The following LHX4 variants were observed in gnomAD, a reference collection of about 807,000 sequenced individuals.
The protein encoded by LHX4 is LIM/homeobox protein Lhx4.
LHX4 carries 16 observed loss-of-function variants against 39.2 expected under a neutral mutation model. The ratio of observed to expected loss-of-function variants is 0.41; its 90% CI spans 0.28 to 0.62. The LOEUF is 0.62. Ranked by LOEUF, LHX4 falls within the 20% of genes least tolerant of loss-of-function variation. The probability of loss-of-function intolerance (pLI) is 0.33; values close to 1 mark genes in which losing one functional copy is unlikely to be tolerated. For synonymous variants in LHX4, 206 were observed against 198.1 expected, an observed-to-expected ratio of 1.04 and a Z score of -0.33; for missense variants, 439 against 511.9, an observed-to-expected ratio of 0.86 and a Z score of 1.37.
chr1:180,273,979 T>G lies in LHX4; in HGVS notation c.779-206T>G, dbSNP rs116699114. 2.6e-4 allele frequency: 160 copies of G among 608,950 alleles called. No individual in the cohort carries two copies. In the African/African-American group the frequency reaches 2.9e-3, roughly 11 times the overall value. 37.7% of individuals were successfully genotyped at this position (608,950 alleles called of 1,614,324 possible). A position where few individuals can be genotyped will look rare whatever the true frequency, so the allele number is the denominator to read the frequency against. On this transcript the variant is annotated intron_variant, in intron 5 of 5. Coordinates refer to ENST00000263726, the MANE Select transcript of LHX4 (RefSeq NM_033343.4). Reference sequence around the variant, plus strand: ...TTCTGGGACCTGGGAATTTAGTCTTTGCAGGTGTTTCTTGTTTTTCTCCTT... The same window carrying G: ...TTCTGGGACCTGGGAATTTAGTCTTGGCAGGTGTTTCTTGTTTTTCTCCTT...
At chr1:180,229,508 C>T (rs1029504488), upstream of LHX4, among the ~76,000 whole-genome samples, 2 of 152,176 alleles carry the variant, frequency 1.3e-5, no homozygotes, top group African/African-American at 2.4e-5. Flanking sequence ...CCGCGTGACT[C>T]GCGCGTTCCG....
chr1:180,263,438 G>T (rs1157399690), intron 2 of LHX4, among the ~76,000 whole-genome samples: 3 of 152,204 alleles, frequency 2.0e-5, no homozygotes, highest in African/African-American at 7.2e-5. Flanking sequence ...CTGGAGATGG[G>T]GTGGAGGGTG....
At chr1:180,260,495 AGGAGCTCAGGC>A (rs1370903517) in intron 2 of LHX4, among the ~76,000 whole-genome samples, 2 of 151,910 alleles carry the variant, frequency 1.3e-5, no homozygotes, top group Non-Finnish European at 2.9e-5. Context: ...CAACAGCAGC[AGGAGCTCAGGC>A]GGAGCTCAGG....
chr1:180,271,348 C>A, intron 3 of LHX4, 32 bp from the exon 4 acceptor site: 1 of 1,613,724 alleles, frequency 6.2e-7, no homozygotes. Flanking sequence ...GCAGATAGGC[C>A]GAAGCCAGTA....
At chr1:180,273,987 TTTC>T (rs2149268401) in intron 5 of LHX4, 195 bp from the exon 6 acceptor site, 1 of 618,602 alleles carries the variant, frequency 1.6e-6, no homozygotes, top group African/African-American at 1.8e-5. Flanking sequence ...TTTGCAGGTG[TTTC>T]TTGTTTTTCT....
chr1:180,249,960 G>A (rs967196078), intron 2 of LHX4, among the ~76,000 whole-genome samples: 3 of 151,760 alleles, frequency 2.0e-5, no homozygotes, highest in South Asian at 2.1e-4. Context: ...GTGTGAGAGT[G>A]TGAGTGTTGT....
upstream of LHX4, chr1:180,230,243 G>A: frequency 2.1e-6 from 1 of 481,912 alleles, no homozygotes; most frequent in Non-Finnish European, 3.7e-6. This position sits in a 1 kb window ranked among gnomAD's most constrained non-coding sequence, Gnocchi z 5.8. Flanking sequence ...AGCGGGCGGG[G>A]GAGGGAAGAG....
At chr1:180,241,524 C>T (rs960227036) in intron 1 of LHX4, among the ~76,000 whole-genome samples, 4 of 152,178 alleles carry the variant, frequency 2.6e-5, no homozygotes, top group African/African-American at 9.7e-5. Flanking sequence ...CGGTGTTTTA[C>T]ATGCATTACC....
chr1:180,271,684 A>T, intron 4 of LHX4, 150 bp downstream of exon 4: 1 of 1,308,618 alleles, frequency 7.6e-7, no homozygotes, highest in Non-Finnish European at 1.1e-6. Context: ...TCTGAGGCCC[A>T]CCTGGGGAGA....
At chr1:180,260,143 T>G (rs967084391) in intron 2 of LHX4, among the ~76,000 whole-genome samples, 1 of 151,400 alleles carries the variant, frequency 6.6e-6, no homozygotes, top group Non-Finnish European at 1.5e-5. Flanking sequence ...TGCCGGGGCA[T>G]TGGGCTGAGG....
intron 2 of LHX4, among the ~76,000 whole-genome samples, chr1:180,261,545 C>A (rs560085986): frequency 1.3e-5 from 2 of 152,112 alleles, no homozygotes; most frequent in South Asian, 4.1e-4. Flanking sequence ...ATCCTAGCTG[C>A]TCAGGAGGCC....
chr1:180,258,665 G>T (rs906101161), intron 2 of LHX4, among the ~76,000 whole-genome samples: 3 of 152,104 alleles, frequency 2.0e-5, no homozygotes, highest in Non-Finnish European at 2.9e-5. Context: ...GAAGCTGGGC[G>T]TGGTAGTTCA....
intron 3 of LHX4, chr1:180,270,886 G>A (rs1648605898): frequency 4.8e-6 from 1 of 208,278 alleles, no homozygotes; most frequent in African/African-American, 2.3e-5. Flanking sequence ...GCTCACCCCT[G>A]GCTGTGAGCC....
intron 3 of LHX4, chr1:180,270,929 G>A: frequency 3.9e-6 from 1 of 259,254 alleles, no homozygotes; most frequent in East Asian, 9.7e-5. Context: ...ACATGGCTGT[G>A]GGGAAATGGG....
At chr1:180,270,252 G>A (rs895026255) in intron 3 of LHX4, 1 of 152,216 alleles carries the variant, frequency 6.6e-6, no homozygotes, top group Non-Finnish European at 1.5e-5. Context: ...ACACATGTTG[G>A]CTACTATTGT....
At chr1:180,270,512 C>T (rs187471137) in intron 3 of LHX4, 1 of 152,362 alleles carries the variant, frequency 6.6e-6, no homozygotes, top group African/African-American at 2.4e-5. Context: ...GCACGCGCCT[C>T]TCTCTGTACC....
At position 180,230,309 on chromosome 1, in the gene LHX4, G is replaced by A. The variant is rs532307461; in HGVS notation, c.-221G>A. On this transcript the variant is annotated 5_prime_UTR_variant, in exon 1 of 6. Coordinates refer to ENST00000263726, the MANE Select transcript of LHX4 (RefSeq NM_033343.4). This position sits in a 1 kb window ranked among gnomAD's most constrained non-coding sequence, Gnocchi z 5.8. ...TCAACCTGGGATGTGCACCAACCCC[G>A]GAGAGCGAGATCAAAGGGACTGGAA... 34 of 608,272 alleles carry A rather than the reference G, an allele frequency of 5.6e-5. No homozygotes were observed. In the East Asian group the frequency reaches 7.6e-4, roughly 14 times the overall value. 37.7% of individuals were successfully genotyped at this position (608,272 alleles called of 1,614,324 possible).
chr1:180,233,430 T>C (rs1664226677), intron 1 of LHX4, among the ~76,000 whole-genome samples: 1 of 151,652 alleles, frequency 6.6e-6, no homozygotes, highest in Non-Finnish European at 1.5e-5. Flanking sequence ...GCCACCTCCC[T>C]CCGGGCTGTA....
chr1:180,258,892 G>C (rs760417542), intron 2 of LHX4, among the ~76,000 whole-genome samples: 1 of 152,108 alleles, frequency 6.6e-6, no homozygotes, highest in South Asian at 2.1e-4. Flanking sequence ...ATCAGATGGG[G>C]ACGGATGCCC....
Sources: allele counts gnomAD v4.1 joint callset (sites outside exome capture counted in the v4.1 genomes callset), GRCh38; gene constraint gnomAD v4.1.1; non-coding constraint Gnocchi (gnomAD v3.1); transcripts MANE v1.5; gene names NCBI Gene and HGNC (gene_info 2026-07-23, HGNC 2026-07-21).